The following FBLN1 variants were observed in gnomAD, a reference collection of about 807,000 sequenced individuals.
The protein encoded by FBLN1 is fibulin 1.
A neutral mutation model predicts 89.7 loss-of-function variants in FBLN1; 34 were observed. That is an observed-to-expected ratio of 0.38 (90% CI 0.29 to 0.50). The LOEUF is 0.50. FBLN1 is among the 20% of genes least tolerant of loss of function. The probability of loss-of-function intolerance (pLI) is 0.92; values close to 1 mark genes in which losing one functional copy is unlikely to be tolerated. For synonymous variants in FBLN1, 393 were observed against 391.3 expected (o/e 1.00, Z -0.05); for missense variants, 777 against 988.1 (o/e 0.79, Z 2.86).
At chr22:45,511,452 C>CTTT (rs760422823) in intron 1 of FBLN1, among the ~76,000 whole-genome samples, 9,532 of 130,524 alleles carry the variant, frequency 0.073, 417 homozygotes, top group African/African-American at 0.091. Context: ...CCATGCCTGG[C>CTTT]TTTTTTTTTT....
intron 2 of FBLN1, among the ~76,000 whole-genome samples, chr22:45,523,519 A>G (rs533199907): frequency 6.6e-6 from 1 of 152,324 alleles, no homozygotes; most frequent in East Asian, 1.9e-4. Flanking sequence ...CCTGGCCAAC[A>G]TGGCAAGATC....
rs136748 is a variant in FBLN1 at position 45,537,619 on chromosome 22, C to CA, written c.922+2297dup. ...TGGACAACAGAGCAAGACTCTGTGT[C>CA]AAAAAAAAAAAAAAAGATAAAAAGA... On this transcript the variant is annotated intron_variant, in intron 8 of 16. Coordinates refer to ENST00000327858, the MANE Select transcript of FBLN1 (RefSeq NM_006486.3). The surrounding 1 kb of genome is among the most constrained non-coding windows in gnomAD (Gnocchi z 5.7). Among the ~76,000 whole-genome samples, 2,589 of 135,558 alleles carry CA rather than the reference C, an allele frequency of 0.019. 67 individuals carry two copies. Among genetic ancestry groups the CA allele is most frequent in the African/African-American group, 0.063 (2,262 of 36,170 alleles). 88.9% of individuals were successfully genotyped at this position (135,558 alleles called of 152,430 possible).
At position 45,550,562 on chromosome 22, in the gene FBLN1, C is replaced by T. The variant is rs745457799; in HGVS notation, c.1644C>T (p.Gly548=). Residue 548 remains glycine (G), a synonymous_variant, in exon 14 of 17, where the codon GGC becomes GGT. Transcript: ENST00000327858. The surrounding 1 kb of genome is among the most constrained non-coding windows in gnomAD (Gnocchi z 8.4). ...INETCFNIQG[G]FRCLAFECPE... is the part of the protein sequence containing the mutation. ...AGACCTGCTTCAACATCCAGGGCGG[C>T]TTCCGCTGCCTGGCCTTCGAGTGCC... is the stretch of plus-strand genomic sequence containing the variant. The T allele has an allele frequency of 1.2e-6, 2 of 1,614,160 alleles. No homozygotes were observed. The highest frequency in any genetic ancestry group is 1.7e-6 in the Non-Finnish European group (2 of 1,180,052).
Position 45,531,445 on chromosome 22 carries a change from A to G in FBLN1, c.544+121A>G, listed in dbSNP as rs1390478941. 1.2e-6 allele frequency: 1 copy of G among 854,074 alleles called. No homozygotes were observed. The highest frequency in any genetic ancestry group is 1.9e-5 in the Admixed American group (1 of 53,080). 52.9% of individuals were successfully genotyped at this position (854,074 alleles called of 1,614,324 possible). On this transcript the variant is annotated intron_variant, in intron 5 of 16. Coordinates refer to ENST00000327858, the MANE Select transcript of FBLN1 (RefSeq NM_006486.3). The surrounding 1 kb of genome is among the most constrained non-coding windows in gnomAD (Gnocchi z 4.9). ...CAAGGCAGGAGGATTCCTTGAGCCCAGGAGGTTGTGGCTGCAGTGAGCTAT... is the reference window on the plus strand; with the variant it reads ...CAAGGCAGGAGGATTCCTTGAGCCCGGGAGGTTGTGGCTGCAGTGAGCTAT...
In FBLN1 at chr22:45,591,137, G is replaced by C. The variant is rs134825; in HGVS notation, c.1973-9170G>C. On this transcript the variant is annotated intron_variant, in intron 16 of 16. Coordinates refer to ENST00000327858, the MANE Select transcript of FBLN1 (RefSeq NM_006486.3). Reference sequence around the variant, plus strand: ...TTCCTTTGGCAAGGCCACAGAGCTTGGTGGAAGGGGCAGTGGCCCAGGGTC... The same window carrying C: ...TTCCTTTGGCAAGGCCACAGAGCTTCGTGGAAGGGGCAGTGGCCCAGGGTC... Among the ~76,000 whole-genome samples, 802 of 152,290 alleles carry C rather than the reference G, an allele frequency of 5.3e-3. 2 individuals carry two copies. The highest frequency in any genetic ancestry group is 0.01 in the Middle Eastern group (3 of 294).
chr22:45,549,179 C>T lies in FBLN1; in HGVS notation c.1573+435C>T, dbSNP rs1426074991. On this transcript the variant is annotated intron_variant, in intron 13 of 16. Transcript: ENST00000327858. The surrounding 1 kb of genome is among the most constrained non-coding windows in gnomAD (Gnocchi z 5.7). ...TCCAGCATCGGCTAAGTAATGGTGG[C>T]CAATGGCATTGGTTCTGCATTCAGC... is the stretch of plus-strand genomic sequence containing the variant. Among the ~76,000 whole-genome samples the T allele has an allele frequency of 6.6e-6, 1 of 152,216 alleles. No homozygotes were observed. Among genetic ancestry groups the T allele is most frequent in the East Asian group, 1.9e-4 (1 of 5,204 alleles).
rs1221130045 is a variant in FBLN1 at position 45,576,825 on chromosome 22, C to T, written c.1841-152C>T. 1.1e-6 allele frequency: 1 copy of T among 898,550 alleles called. No individual in the cohort carries two copies. Among genetic ancestry groups the T allele is most frequent in the African/African-American group, 1.6e-5 (1 of 60,802 alleles). The allele number at this position is 898,550 out of a possible 1,614,324, so 55.7% of individuals were successfully genotyped here. A position where few individuals can be genotyped will look rare whatever the true frequency, so the allele number is the denominator to read the frequency against. The stretch of plus-strand genomic sequence containing the variant: ...AAGGTCCAGACCCCTCCACCCTCCC[C>T]ACACAGGGGATCTCTGGCTTCATTG... On this transcript the variant is annotated intron_variant, in intron 15 of 16. Transcript: ENST00000327858. The surrounding 1 kb of genome is among the most constrained non-coding windows in gnomAD (Gnocchi z 5.2).
intron 1 of FBLN1, among the ~76,000 whole-genome samples, chr22:45,516,737 G>T (rs2146947758): frequency 6.6e-6 from 1 of 152,358 alleles, no homozygotes; most frequent in African/African-American, 2.4e-5. Context: ...GCCACTGCAG[G>T]ACTCCTCCTG....
rs1031500703 is a variant in FBLN1 at position 45,518,671 on chromosome 22, T to C, written c.80-11T>C. On this transcript the variant is annotated splice_polypyrimidine_tract_variant and intron_variant, in intron 1 of 16. Coordinates refer to ENST00000327858, the MANE Select transcript of FBLN1 (RefSeq NM_006486.3). ...TGAGCCACCTCTCAGCTTGTTCTCT[T>C]CCCTGCACAGTGGACGCGGATGTCC... 8 of 1,589,412 alleles carry C rather than the reference T, an allele frequency of 5.0e-6. No homozygotes were observed. Among genetic ancestry groups the C allele is most frequent in the Non-Finnish European group, 6.9e-6 (8 of 1,167,858 alleles).
At chr22:45,546,466 G>A (rs1250306264) in intron 11 of FBLN1, among the ~76,000 whole-genome samples, 5 of 152,274 alleles carry the variant, frequency 3.3e-5, no homozygotes, top group Admixed American at 1.3e-4. Flanking sequence ...CGCCCACCTC[G>A]GCCTCCCGAA....
intron 12 of FBLN1, among the ~76,000 whole-genome samples, chr22:45,548,072 C>G (rs574800706): frequency 7.9e-5 from 12 of 152,238 alleles, no homozygotes; most frequent in Admixed American, 6.5e-5. Context: ...GTTTTTGAGA[C>G]AGAGACAGCT....
intron 10 of FBLN1, among the ~76,000 whole-genome samples, chr22:45,542,784 T>C (rs1198150834): frequency 1.3e-5 from 2 of 152,218 alleles, no homozygotes; most frequent in Non-Finnish European, 2.9e-5. Flanking sequence ...GTGGGCACTT[T>C]GCTAGATCCT....
rs902689796 is a variant in FBLN1 at position 45,536,638 on chromosome 22, G to A, written c.922+1301G>A. ...AAATTAGCTGGGCGTAGTGATGGGC[G>A]CCTGTAATCCCAGCTGCTTAGGAGG... On this transcript the variant is annotated intron_variant, in intron 8 of 16. Transcript: ENST00000327858. This position sits in a 1 kb window ranked among gnomAD's most constrained non-coding sequence, Gnocchi z 5.1. 7.9e-5 allele frequency among the ~76,000 whole-genome samples: 12 copies of A among 152,152 alleles called. No individual in the cohort carries two copies. The highest frequency in any genetic ancestry group is 1.3e-4 in the Non-Finnish European group (9 of 68,000).
intron 4 of FBLN1, among the ~76,000 whole-genome samples, chr22:45,529,447 G>C (rs536757985): frequency 6.6e-6 from 1 of 152,188 alleles, no homozygotes; most frequent in Non-Finnish European, 1.5e-5. Context: ...CTTAGGCCAC[G>C]GTTTCTTGTG....
Position 45,574,591 on chromosome 22 carries a change from T to C in FBLN1, c.1778T>C (p.Val593Ala), listed in dbSNP as rs745375091. ...GATGTCACATGCGTGTTCGACCCCG[T>C]GCACACCATCTCCCACACCGTCATC... ...PNDVTCVFDPVHTISHTVISL... is the reference protein window; with the variant it reads ...PNDVTCVFDPAHTISHTVISL... The change falls in exon 15 of 17, where the codon GTG (valine) becomes GCG (alanine). Residue 593 changes from valine (V) to alanine (A), a missense_variant. Transcript: ENST00000327858. The surrounding 1 kb of genome is among the most constrained non-coding windows in gnomAD (Gnocchi z 4.1). 2.5e-6 allele frequency: 4 copies of C among 1,614,132 alleles called. No individual in the cohort carries two copies. Among genetic ancestry groups the C allele is most frequent in the Non-Finnish European group, 3.4e-6 (4 of 1,180,030 alleles).
At chr22:45,512,255 C>T (rs996155132) in intron 1 of FBLN1, among the ~76,000 whole-genome samples, 2 of 151,964 alleles carry the variant, frequency 1.3e-5, no homozygotes, top group African/African-American at 4.8e-5. Flanking sequence ...TGCTCAGCTG[C>T]CCTAGGGTTT....
Position 45,590,183 on chromosome 22 carries a change from C to A in FBLN1, c.1973-10124C>A, listed in dbSNP as rs1023919011. On this transcript the variant is annotated intron_variant, in intron 16 of 16. Transcript: ENST00000327858. The surrounding 1 kb of genome is among the most constrained non-coding windows in gnomAD (Gnocchi z 4.1). ...GACCTGCAGGCCTGGGGCTCAGGACCCCCTCTCTGCACTCAAGGGCTGCCC... is the reference window on the plus strand; with the variant it reads ...GACCTGCAGGCCTGGGGCTCAGGACACCCTCTCTGCACTCAAGGGCTGCCC... 6.6e-6 allele frequency among the ~76,000 whole-genome samples: 1 copy of A among 152,198 alleles called. No individual in the cohort carries two copies. The highest frequency in any genetic ancestry group is 2.1e-4 in the South Asian group (1 of 4,830).
chr22:45,569,269 C>G (rs34144713), intron 14 of FBLN1, among the ~76,000 whole-genome samples: 3 of 152,154 alleles, frequency 2.0e-5, no homozygotes, highest in Non-Finnish European at 4.4e-5. Flanking sequence ...CAAATGCAGT[C>G]ACATTCAACG....
intron 14 of FBLN1, among the ~76,000 whole-genome samples, chr22:45,568,508 T>C (rs62225033): frequency 0.44 from 46,089 of 103,766 alleles, 13,627 homozygotes; most frequent in Middle Eastern, 0.59. Flanking sequence ...AGGGGAGTGC[T>C]CCTTCTGTAG....
Sources: allele counts gnomAD v4.1 joint callset (sites outside exome capture counted in the v4.1 genomes callset), GRCh38; gene constraint gnomAD v4.1.1; non-coding constraint Gnocchi (gnomAD v3.1); transcripts MANE v1.5; gene names NCBI Gene and HGNC (gene_info 2026-07-23, HGNC 2026-07-21).